Variants in BNC2 observed in about 807,000 individuals in gnomAD.
BNC2 encodes the protein basonuclin zinc finger protein 2.
A neutral mutation model predicts 76.3 loss-of-function variants in BNC2; 20 were observed. The ratio of observed to expected loss-of-function variants is 0.26; its 90% CI spans 0.18 to 0.38. BNC2 has a LOEUF of 0.38. Among genes scored for constraint, BNC2 ranks in the 10% least tolerant of loss-of-function variants. BNC2 has a pLI of 1.00. For synonymous variants in BNC2, 582 were observed against 514.8 expected, an observed-to-expected ratio of 1.13 and a Z score of -1.77; for missense variants, 1,382 against 1,399.8, an observed-to-expected ratio of 0.99 and a Z score of 0.20.
intron 5 of BNC2, among the ~76,000 whole-genome samples, chr9:16,548,034 G>C (rs1419826900): frequency 2.6e-5 from 4 of 152,164 alleles, no homozygotes; most frequent in African/African-American, 9.7e-5. Context: ...AGACACAGAA[G>C]AGTTGAGAGG....
intron 3 of BNC2, among the ~76,000 whole-genome samples, chr9:16,670,605 AG>A (rs1822447839): frequency 6.6e-6 from 1 of 152,230 alleles, no homozygotes; most frequent in African/African-American, 2.4e-5. Flanking sequence ...TGTTAATAAA[AG>A]GGAAATGCGT....
chr9:16,827,504 A>G (rs1278195635), intron 1 of BNC2, among the ~76,000 whole-genome samples: 1 of 152,140 alleles, frequency 6.6e-6, no homozygotes, highest in Non-Finnish European at 1.5e-5. Flanking sequence ...CCTACTTGTC[A>G]CTCATTGTCA....
intron 3 of BNC2, among the ~76,000 whole-genome samples, chr9:16,598,685 T>A (rs1299476193): frequency 1.3e-5 from 2 of 152,186 alleles, no homozygotes; most frequent in East Asian, 3.8e-4. Flanking sequence ...TAGAAAAGCA[T>A]ATGTTCCCCT....
At chr9:16,547,567 G>A (rs968954661) in intron 5 of BNC2, among the ~76,000 whole-genome samples, 2 of 152,148 alleles carry the variant, frequency 1.3e-5, no homozygotes, top group Admixed American at 6.5e-5. Context: ...ATTGTGATAG[G>A]AGTTTGAAGG....
At chr9:16,550,691 C>G (rs1283902574) in intron 5 of BNC2, among the ~76,000 whole-genome samples, 1 of 152,168 alleles carries the variant, frequency 6.6e-6, no homozygotes, top group Non-Finnish European at 1.5e-5. Context: ...GTGTAAGTAT[C>G]TTAGGCAACA....
At chr9:16,581,917 A>ACT (rs1277876815) in intron 4 of BNC2, among the ~76,000 whole-genome samples, 1 of 151,828 alleles carries the variant, frequency 6.6e-6, no homozygotes, top group African/African-American at 2.4e-5. Flanking sequence ...CTCTCAGAGT[A>ACT]CTCTCTCTCA....
At chr9:16,439,605 A>G (rs1298001260) in intron 5 of BNC2, among the ~76,000 whole-genome samples, 2 of 152,214 alleles carry the variant, frequency 1.3e-5, no homozygotes, top group Non-Finnish European at 2.9e-5. Context: ...TGCTTTTGCA[A>G]GGGAAAAGTC....
chr9:16,822,006 T>A (rs1285345559), intron 1 of BNC2, among the ~76,000 whole-genome samples: 1 of 143,390 alleles, frequency 7.0e-6, no homozygotes, highest in Non-Finnish European at 1.5e-5. Flanking sequence ...AGCAGGAGAA[T>A]GGCATGAACC....
At chr9:16,633,306 T>G (rs1821220909) in intron 3 of BNC2, among the ~76,000 whole-genome samples, 1 of 152,268 alleles carries the variant, frequency 6.6e-6, no homozygotes, top group African/African-American at 2.4e-5. Context: ...AGTGCACAAA[T>G]GAACAAGGCC....
In BNC2 at chr9:16,737,238, C is replaced by CTTTTTTTTTTTTTTTTTT. The variant is rs559930240; in HGVS notation, c.129+1104_129+1121dup. Among the ~76,000 whole-genome samples, 9 of 91,302 alleles carry CTTTTTTTTTTTTTTTTTT rather than the reference C, an allele frequency of 9.9e-5. 2 individuals are homozygous for CTTTTTTTTTTTTTTTTTT. The highest frequency in any genetic ancestry group is 9.8e-5 in the Non-Finnish European group (5 of 51,010). The allele number at this position is 91,302 out of a possible 152,430, so 59.9% of individuals were successfully genotyped here. On this transcript the variant is annotated intron_variant, in intron 2 of 6. Coordinates refer to ENST00000380672, the MANE Select transcript of BNC2 (RefSeq NM_017637.6). The stretch of plus-strand genomic sequence containing the variant: ...TCCCACCTCAGCCACCACACCTGGC[C>CTTTTTTTTTTTTTTTTTT]TTTTTTTTTTTTTTTTTTTTTTTTC...
Position 16,436,132 on chromosome 9 carries a change from C to G in BNC2, c.2062G>C (p.Val688Leu). The part of the protein sequence containing the change: ...SQEEMSPGMS[V>L]KDFSKHNRTR... ...CTGTTATGCTTAGAAAAGTCCTTCACAGACATGCCTGGGCTCATCTCCTCT... is the reference window on the plus strand; with the variant it reads ...CTGTTATGCTTAGAAAAGTCCTTCAGAGACATGCCTGGGCTCATCTCCTCT... Residue 688 changes from valine (V) to leucine (L), a missense_variant, in exon 6 of 7, where the codon GTG (valine) becomes CTG (leucine). Val to Leu is a conservative substitution (Grantham distance 32, BLOSUM62 1). This residue lies in a region of BNC2 where 798 missense variants were observed against 775.5 expected (regional missense o/e 1.03). Transcript: ENST00000380672. The G allele has an allele frequency of 6.2e-7, 1 of 1,614,196 alleles. No homozygotes were observed. Among genetic ancestry groups the G allele is most frequent in the Non-Finnish European group, 8.5e-7 (1 of 1,180,040 alleles).
intron 3 of BNC2, among the ~76,000 whole-genome samples, chr9:16,676,522 T>C (rs928004312): frequency 6.6e-6 from 1 of 152,250 alleles, no homozygotes; most frequent in African/African-American, 2.4e-5. Flanking sequence ...GAACAGTGTA[T>C]GTTAAGTTGG....
chr9:16,671,483 A>G (rs1822476169), intron 3 of BNC2, among the ~76,000 whole-genome samples: 1 of 152,182 alleles, frequency 6.6e-6, no homozygotes, highest in African/African-American at 2.4e-5. Flanking sequence ...ATCTCTGTAC[A>G]GTGCCTTTAC....
chr9:16,759,725 ATTT>A (rs35836794), intron 1 of BNC2, among the ~76,000 whole-genome samples: 27 of 141,422 alleles, frequency 1.9e-4, no homozygotes, highest in Admixed American at 3.5e-4. Context: ...GACATAAACT[ATTT>A]TTTTTTTTTT....
chr9:16,756,005 G>T (rs915980110), intron 1 of BNC2, among the ~76,000 whole-genome samples: 1 of 152,158 alleles, frequency 6.6e-6, no homozygotes, highest in Non-Finnish European at 1.5e-5. Context: ...CCAAACCAAC[G>T]CTAGATATGT....
intron 5 of BNC2, among the ~76,000 whole-genome samples, chr9:16,461,084 T>C (rs778499226): frequency 1.3e-5 from 2 of 152,176 alleles, no homozygotes; most frequent in Non-Finnish European, 2.9e-5. Flanking sequence ...AGAAAAACTA[T>C]ACTTTGATCA....
intron 5 of BNC2, among the ~76,000 whole-genome samples, chr9:16,535,540 C>A (rs1470087240): frequency 6.6e-6 from 1 of 152,052 alleles, no homozygotes; most frequent in Admixed American, 6.6e-5. Context: ...TGCTGTTTAT[C>A]CTCCCTGCCA....
At chr9:16,708,808 G>A (rs995209706) in intron 3 of BNC2, among the ~76,000 whole-genome samples, 7 of 150,510 alleles carry the variant, frequency 4.7e-5, no homozygotes, top group Admixed American at 3.3e-4. Context: ...ACAAAACAGT[G>A]GATCAGGCAG....
intron 3 of BNC2, among the ~76,000 whole-genome samples, chr9:16,687,000 G>C (rs1205247558): frequency 6.6e-6 from 1 of 152,018 alleles, no homozygotes; most frequent in Non-Finnish European, 1.5e-5. Flanking sequence ...CACTATGTGG[G>C]GAATCTTACG....
Sources: allele counts gnomAD v4.1 joint callset (sites outside exome capture counted in the v4.1 genomes callset), GRCh38; gene constraint gnomAD v4.1.1; regional missense constraint gnomAD v4.1.1; transcripts MANE v1.5; gene names NCBI Gene and HGNC (gene_info 2026-07-23, HGNC 2026-07-21).